The following LSAMP variants were observed in gnomAD, a reference collection of about 807,000 sequenced individuals.
LSAMP encodes the protein limbic system-associated membrane protein.
In LSAMP, 7 loss-of-function variants were observed where a neutral mutation model predicts 38.6. The ratio of observed to expected loss-of-function variants is 0.18; its 90% CI spans 0.10 to 0.34. The LOEUF is 0.34. Among genes scored for constraint, LSAMP ranks in the 10% least tolerant of loss-of-function variants. The probability of loss-of-function intolerance (pLI) is 1.00; values close to 1 mark genes in which losing one functional copy is unlikely to be tolerated. For missense variants in LSAMP, 313 were observed against 420.0 expected, an observed-to-expected ratio of 0.75 and a Z score of 2.23; for synonymous variants, 154 against 166.8, an observed-to-expected ratio of 0.92 and a Z score of 0.59.
intron 1 of LSAMP, among the ~76,000 whole-genome samples, chr3:116,145,547 G>C (rs7650268): frequency 9.9e-5 from 15 of 151,752 alleles, no homozygotes; most frequent in Non-Finnish European, 1.3e-4. Context: ...GAGGTCCAAG[G>C]GTGATCTATT....
At chr3:116,368,727 G>A (rs578240049) in intron 1 of LSAMP, among the ~76,000 whole-genome samples, 12 of 152,250 alleles carry the variant, frequency 7.9e-5, no homozygotes, top group Admixed American at 6.5e-4. Context: ...CCAGCTATAA[G>A]TGTAAGATAA....
At chr3:116,144,348 C>A (rs1184376505) in intron 1 of LSAMP, among the ~76,000 whole-genome samples, 1 of 151,822 alleles carries the variant, frequency 6.6e-6, no homozygotes, top group East Asian at 2.0e-4. Flanking sequence ...TATAGTGAGA[C>A]CTTGTCACTA....
At chr3:116,336,561 C>T (rs2047922036) in intron 1 of LSAMP, among the ~76,000 whole-genome samples, 1 of 151,942 alleles carries the variant, frequency 6.6e-6, no homozygotes, top group Non-Finnish European at 1.5e-5. Flanking sequence ...TACCCTCTCA[C>T]ACCCATTGTT....
At chr3:115,954,965 T>TTTTTG (rs1938407841) in intron 3 of LSAMP, among the ~76,000 whole-genome samples, 1 of 122,376 alleles carries the variant, frequency 8.2e-6, no homozygotes, top group African/African-American at 2.7e-5. Flanking sequence ...TTTTGTTTTT[T>TTTTTG]TTTTTTTGAG....
At position 115,803,841 on chromosome 3, in the gene LSAMP, A is replaced by G. The variant is rs1278125338; in HGVS notation, c.*6476T>C. On this transcript the variant is annotated 3_prime_UTR_variant, in exon 7 of 7. Transcript: ENST00000490035. ...CCCCATGCTTACCGCCATCAGCACA[A>G]GCAAAGAGTTTCCAAAGACACACAT... 6.6e-6 allele frequency: 1 copy of G among 152,182 alleles called. No individual in the cohort carries two copies. Among genetic ancestry groups the G allele is most frequent in the Non-Finnish European group, 1.5e-5 (1 of 68,016 alleles). 9.4% of individuals were successfully genotyped at this position (152,182 alleles called of 1,614,324 possible).
chr3:115,917,400 G>T (rs1344123353), intron 3 of LSAMP, among the ~76,000 whole-genome samples: 1 of 152,184 alleles, frequency 6.6e-6, no homozygotes, highest in Non-Finnish European at 1.5e-5. Context: ...TGGAGTAACA[G>T]GACCCATCTC....
chr3:115,947,087 TAAAATGTAA>T (rs1938124504), intron 3 of LSAMP, among the ~76,000 whole-genome samples: 1 of 152,142 alleles, frequency 6.6e-6, no homozygotes, highest in African/African-American at 2.4e-5. Flanking sequence ...AAGGATTTAT[TAAAATGTAA>T]TTCTCATTAA....
At chr3:116,225,102 T>G (rs191733375) in intron 1 of LSAMP, among the ~76,000 whole-genome samples, 2 of 150,204 alleles carry the variant, frequency 1.3e-5, no homozygotes, top group Admixed American at 1.3e-4. Context: ...ATGTGTAGAT[T>G]CACTAGTGGC....
chr3:116,274,344 C>T (rs2047018845), intron 1 of LSAMP, among the ~76,000 whole-genome samples: 4 of 152,284 alleles, frequency 2.6e-5, no homozygotes, highest in Middle Eastern at 3.4e-3. Context: ...GACGGGAGCT[C>T]TCCAGAGTTG....
chr3:115,942,747 T>G (rs1169765804), intron 3 of LSAMP, among the ~76,000 whole-genome samples: 1 of 152,190 alleles, frequency 6.6e-6, no homozygotes, highest in Non-Finnish European at 1.5e-5. Context: ...ATACGTATTT[T>G]TAAAGCTTGC....
intron 1 of LSAMP, among the ~76,000 whole-genome samples, chr3:116,380,051 T>C (rs532177297): frequency 6.6e-6 from 1 of 152,174 alleles, no homozygotes; most frequent in Admixed American, 6.6e-5. Flanking sequence ...ACAAGGACTT[T>C]AGATGCAGGC....
chr3:116,286,345 G>C (rs2047194329), intron 1 of LSAMP, among the ~76,000 whole-genome samples: 2 of 152,114 alleles, frequency 1.3e-5, no homozygotes, highest in Admixed American at 1.3e-4. Context: ...ACAAGCTGTT[G>C]AATACATTAT....
chr3:116,062,941 G>T (rs533282761), intron 2 of LSAMP, among the ~76,000 whole-genome samples: 1 of 152,266 alleles, frequency 6.6e-6, no homozygotes, highest in Non-Finnish European at 1.5e-5. Context: ...CTCCAGAAGG[G>T]TGAAAGGACT....
chr3:116,206,511 G>A (rs2046071972), intron 1 of LSAMP, among the ~76,000 whole-genome samples: 1 of 106,972 alleles, frequency 9.3e-6, no homozygotes, highest in Non-Finnish European at 2.1e-5. Context: ...GTCAATTTTG[G>A]ATCTTTCCTG....
At chr3:116,134,588 G>C (rs1171856365) in intron 1 of LSAMP, among the ~76,000 whole-genome samples, 1 of 152,152 alleles carries the variant, frequency 6.6e-6, no homozygotes, top group Non-Finnish European at 1.5e-5. Flanking sequence ...CAGAGACTTT[G>C]CTCTTGCAGT....
In LSAMP at chr3:115,940,752, T is replaced by A. The variant is rs150537712; in HGVS notation, c.514+78763A>T. On this transcript the variant is annotated intron_variant, in intron 3 of 6. Transcript: ENST00000490035. ...GTTTACTTCTGGGCTCTCTGTTTTG[T>A]TGCACCAGTCTATGTGTCTGCTTTC... is the stretch of plus-strand genomic sequence containing the variant. 3.3e-5 allele frequency among the ~76,000 whole-genome samples: 5 copies of A among 152,350 alleles called. No homozygotes were observed. The East Asian group carries it at 9.6e-4, about 29-fold the overall frequency.
chr3:116,370,571 C>T (rs1175946709), intron 1 of LSAMP, among the ~76,000 whole-genome samples: 1 of 152,136 alleles, frequency 6.6e-6, no homozygotes, highest in Non-Finnish European at 1.5e-5. Context: ...ACACATATTA[C>T]CTAAGCAGCA....
intron 1 of LSAMP, among the ~76,000 whole-genome samples, chr3:116,262,170 T>C (rs1177830824): frequency 6.6e-6 from 1 of 152,170 alleles, no homozygotes; most frequent in African/African-American, 2.4e-5. Flanking sequence ...GCAATGACTA[T>C]TGTATTAAAA....
At chr3:116,165,933 T>A (rs1312304907) in intron 1 of LSAMP, among the ~76,000 whole-genome samples, 2 of 152,200 alleles carry the variant, frequency 1.3e-5, no homozygotes, top group Non-Finnish European at 2.9e-5. Flanking sequence ...TGTTGCATAA[T>A]CTCTAAAGCC....
Sources: allele counts gnomAD v4.1 joint callset (sites outside exome capture counted in the v4.1 genomes callset), GRCh38; gene constraint gnomAD v4.1.1; transcripts MANE v1.5; gene names NCBI Gene and HGNC (gene_info 2026-07-23, HGNC 2026-07-21).